HLTF: variants seen among roughly 807,000 people sequenced by gnomAD.
The protein encoded by HLTF is helicase like transcription factor.
HLTF carries 127 observed loss-of-function variants against 129.4 expected under a neutral mutation model. The ratio of observed to expected loss-of-function variants is 0.98; its 90% confidence interval spans 0.85 to 1.14. The LOEUF is 1.14. Among genes scored for constraint, HLTF ranks in the 50% most tolerant of loss-of-function variants. The pLI is 0.00. For synonymous variants in HLTF, 332 were observed against 388.8 expected, an observed-to-expected ratio of 0.85 and a Z score of 1.72; for missense variants, 1,139 against 1,187.1, an observed-to-expected ratio of 0.96 and a Z score of 0.60.
At chr3:149,056,226 T>C (rs982194423) in intron 13 of HLTF, among the ~76,000 whole-genome samples, 7 of 152,224 alleles carry the variant, frequency 4.6e-5, no homozygotes, top group African/African-American at 1.7e-4. Context: ...AAATGTCTGA[T>C]TTTAAATGGC....
In HLTF at chr3:149,072,774, ATTACT is replaced by A. The variant is rs201519643; in HGVS notation, c.627+446_627+450del. Among the ~76,000 whole-genome samples the A allele has an allele frequency of 7.2e-5, 11 of 152,354 alleles. No homozygotes were observed. The East Asian group carries it at 2.1e-3, about 29-fold the overall frequency. ...GTTATTTTTAAATTGATCTGCATTA[ATTACT>A]TTATATACTTTTTTTTCAAAGAAAT... On this transcript the variant is annotated intron_variant, in intron 5 of 24. Transcript: ENST00000310053.
rs370406256 is a variant in HLTF, at chr3:149,065,288, C to T, written c.991-422G>A. Among the ~76,000 whole-genome samples the T allele has an allele frequency of 3.1e-4, 47 of 152,226 alleles. 1 individual carries two copies. Among genetic ancestry groups the T allele is most frequent in the African/African-American group, 9.1e-4 (38 of 41,544 alleles). ...TCATCCTCTCTTTCTCTAGAATTTG[C>T]AGGGCAAATAACTCTAATATATAAT... On this transcript the variant is annotated intron_variant, in intron 8 of 24. Coordinates refer to ENST00000310053, the MANE Select transcript of HLTF (RefSeq NM_003071.4).
At chr3:149,085,894 ATCTCTACTAGCGCC>A (rs1388036665) in intron 1 of HLTF, among the ~76,000 whole-genome samples, 3 of 151,786 alleles carry the variant, frequency 2.0e-5, no homozygotes, top group African/African-American at 7.3e-5. Context: ...AGTGGCGCAT[ATCTCTACTAGCGCC>A]TCTGCAAATA....
At chr3:149,077,284 A>G (rs2608003) in intron 2 of HLTF, among the ~76,000 whole-genome samples, 1 of 150,044 alleles carries the variant, frequency 6.7e-6, no homozygotes, top group African/African-American at 2.4e-5. Flanking sequence ...ATAAATAAAT[A>G]AATAAATAAA....
In HLTF at chr3:149,039,697, CA is replaced by C; in HGVS notation, c.2503-5del. ...ATGCGTGCATTAGCGCATTAATCTG[CA>C]AAAAATATTAAGATGTCCATTAGAT... On this transcript the variant is annotated splice_region_variant and splice_polypyrimidine_tract_variant and intron_variant, in intron 21 of 24. Coordinates refer to ENST00000310053, the MANE Select transcript of HLTF (RefSeq NM_003071.4). The C allele has an allele frequency of 6.9e-7, 1 of 1,444,220 alleles. No homozygotes were observed. The highest frequency in any genetic ancestry group is 9.5e-7 in the Non-Finnish European group (1 of 1,053,222). 89.5% of individuals were successfully genotyped at this position (1,444,220 alleles called of 1,614,324 possible).
At chr3:149,071,514 A>G in intron 6 of HLTF, 69 bp downstream of exon 6, 1 of 1,486,450 alleles carries the variant, frequency 6.7e-7, no homozygotes, top group South Asian at 1.2e-5. Context: ...CTGTGATTAA[A>G]CAAAAAGTAG....
intron 13 of HLTF, among the ~76,000 whole-genome samples, chr3:149,055,752 ATC>A (rs1295410614): frequency 6.6e-6 from 1 of 152,244 alleles, no homozygotes; most frequent in Non-Finnish European, 1.5e-5. Context: ...GCCCTCAATG[ATC>A]TCTACTTCCT....
Position 149,043,208 on chromosome 3 carries a change from G to A in HLTF, c.2073-918C>T, listed in dbSNP as rs150749176. ...GCTCAAGAAAGTGAAAGAAAACAGTGAATCATCAGAGAAATGAAAGTCACA... is the reference window on the plus strand; with the variant it reads ...GCTCAAGAAAGTGAAAGAAAACAGTAAATCATCAGAGAAATGAAAGTCACA... On this transcript the variant is annotated intron_variant, in intron 18 of 24. Coordinates refer to ENST00000310053, the MANE Select transcript of HLTF (RefSeq NM_003071.4). Among the ~76,000 whole-genome samples, 6 of 151,496 alleles carry A rather than the reference G, an allele frequency of 4.0e-5. No individual in the cohort carries two copies. The East Asian group carries it at 9.7e-4, about 24-fold the overall frequency.
intron 2 of HLTF, among the ~76,000 whole-genome samples, chr3:149,082,198 C>G (rs1459407230): frequency 6.6e-6 from 1 of 152,202 alleles, no homozygotes; most frequent in East Asian, 1.9e-4. Flanking sequence ...GTGGCTCACA[C>G]CTGTAATCCC....
chr3:149,039,585 G>A lies in HLTF; in HGVS notation c.2611C>T (p.Leu871Phe). The change falls in exon 22 of 25, where the codon CTT (leucine) becomes TTT (phenylalanine). Residue 871 changes from leucine to phenylalanine, a missense_variant. Transcript: ENST00000310053. ...GAAAAACACTGTGGAACTTACTTAA[G>A]TGGTATTTCTATTAAAGACAGGAAT... ...TTFLSLIEIP[L>F]KASGFVFTRL... 7.1e-7 allele frequency: 1 copy of A among 1,406,398 alleles called. No individual in the cohort carries two copies. Among genetic ancestry groups the A allele is most frequent in the Non-Finnish European group, 1.0e-6 (1 of 1,004,832 alleles). The allele number at this position is 1,406,398 out of a possible 1,614,324, so 87.1% of individuals were successfully genotyped here. A position where few individuals can be genotyped will look rare whatever the true frequency, so the allele number is the denominator to read the frequency against.
intron 3 of HLTF, among the ~76,000 whole-genome samples, chr3:149,074,900 A>G (rs563928127): frequency 6.6e-6 from 1 of 152,320 alleles, no homozygotes; most frequent in South Asian, 2.1e-4. Flanking sequence ...TTAAATTGAG[A>G]TCACAAGTAC....
chr3:149,066,604 C>T (rs1453383942), intron 8 of HLTF, among the ~76,000 whole-genome samples: 1 of 151,484 alleles, frequency 6.6e-6, no homozygotes, highest in South Asian at 2.1e-4. Context: ...TGTAGCAACC[C>T]AAATATTCTA....
chr3:149,070,998 T>C (rs1718799619), intron 7 of HLTF, among the ~76,000 whole-genome samples: 1 of 150,050 alleles, frequency 6.7e-6, no homozygotes, highest in Admixed American at 6.7e-5. Flanking sequence ...TGAGCCAAGA[T>C]CGCGTCACTG....
Position 149,030,241 on chromosome 3 carries a change from A to G in HLTF, c.*1979T>C, listed in dbSNP as rs936893093. On this transcript the variant is annotated 3_prime_UTR_variant, in exon 25 of 25. Coordinates refer to ENST00000310053, the MANE Select transcript of HLTF (RefSeq NM_003071.4). ...AATATTTTTCTAAAGTTATTTTTCT[A>G]TATAATAATAAGACAACAGCATAGC... 125 of 152,328 alleles carry G rather than the reference A, an allele frequency of 8.2e-4. No homozygotes were observed. Among genetic ancestry groups the G allele is most frequent in the African/African-American group, 2.9e-3 (119 of 41,582 alleles). The allele number at this position is 152,328 out of a possible 1,614,324, so 9.4% of individuals were successfully genotyped here.
intron 19 of HLTF, chr3:149,041,879 T>C: frequency 1.7e-6 from 1 of 578,304 alleles, no homozygotes; most frequent in Non-Finnish European, 3.1e-6. Context: ...TAGAGAAGCA[T>C]CATTATAACA....
intron 8 of HLTF, among the ~76,000 whole-genome samples, 190 bp downstream of exon 8, chr3:149,068,050 C>T (rs1470159907): frequency 2.0e-5 from 3 of 152,138 alleles, no homozygotes; most frequent in Non-Finnish European, 2.9e-5. Flanking sequence ...AACAGAGCCA[C>T]ACCTTGTCTG....
chr3:149,057,107 CAAAAAAAAAAAAAA>C (rs56809507), intron 13 of HLTF, among the ~76,000 whole-genome samples: 1 of 27,730 alleles, frequency 3.6e-5, no homozygotes, highest in African/African-American at 1.3e-4. Context: ...GACTCCGTCT[CAAAAAAAAAAAAAA>C]AAAAAAAAAA....
chr3:149,035,794 T>G (rs904638777), intron 23 of HLTF, among the ~76,000 whole-genome samples: 2 of 152,020 alleles, frequency 1.3e-5, no homozygotes, highest in Non-Finnish European at 2.9e-5. Context: ...AAAAGTACCA[T>G]TAGCTAATTA....
intron 2 of HLTF, among the ~76,000 whole-genome samples, chr3:149,082,160 T>C (rs1473644825): frequency 6.6e-6 from 1 of 152,142 alleles, no homozygotes; most frequent in Non-Finnish European, 1.5e-5. Context: ...TTATTTATAG[T>C]GATAGAAGAC....
Sources: allele counts gnomAD v4.1 joint callset (sites outside exome capture counted in the v4.1 genomes callset), GRCh38; gene constraint gnomAD v4.1.1; transcripts MANE v1.5; gene names NCBI Gene and HGNC (gene_info 2026-07-23, HGNC 2026-07-21).